SLC6A4: variants seen among roughly 807,000 people sequenced by gnomAD.
The protein encoded by SLC6A4 is sodium-dependent serotonin transporter.
In SLC6A4, 22 loss-of-function variants were observed where a neutral mutation model predicts 73.4. The observed-to-expected ratio is 0.30, with a 90% CI of 0.21 to 0.43. The LOEUF is 0.43. SLC6A4 is among the 20% of genes least tolerant of loss of function. The pLI is 1.00. For synonymous variants in SLC6A4, 270 were observed against 315.5 expected, an observed-to-expected ratio of 0.86 and a Z score of 1.53; for missense variants, 593 against 808.5, an observed-to-expected ratio of 0.73 and a Z score of 3.23.
intron 8 of SLC6A4, among the ~76,000 whole-genome samples, chr17:30,214,634 CTTT>C (rs753290326): frequency 3.8e-5 from 5 of 132,352 alleles, no homozygotes; most frequent in Non-Finnish European, 8.1e-5. Context: ...TTCTTTCTTT[CTTT>C]TTTTTTTTTT....
At chr17:30,229,705 G>A (rs951458129) in intron 1 of SLC6A4, among the ~76,000 whole-genome samples, 1 of 151,752 alleles carries the variant, frequency 6.6e-6, no homozygotes, top group African/African-American at 2.4e-5. Flanking sequence ...GAGCCACTGC[G>A]CCTGGTCCAA....
chr17:30,218,647 T>TA (rs1906655835), intron 4 of SLC6A4, 150 bp downstream of exon 4: 1 of 774,714 alleles, frequency 1.3e-6, no homozygotes. Context: ...TCACACCACT[T>TA]ACGCAGTCAA....
Position 30,207,758 on chromosome 17 carries a change from C to T in SLC6A4, c.1624G>A (p.Val542Met), listed in dbSNP as rs765500675. 5.0e-6 allele frequency: 8 copies of T among 1,613,166 alleles called. No individual in the cohort carries two copies. The highest frequency in any genetic ancestry group is 4.2e-6 in the Non-Finnish European group (5 of 1,179,148). ...SPGWFWRICWVAISPLFLLFI... is the reference protein window; with the variant it reads ...SPGWFWRICWMAISPLFLLFI... ...AGGAGAAACAGAGGGCTGATGGCCA[C>T]CCAGCAGATCCTCCAGAACCACCCC... Residue 542 changes from valine (V) to methionine (M), a missense_variant, in exon 13 of 15, where the codon GTG becomes ATG. Coordinates refer to ENST00000650711, the MANE Select transcript of SLC6A4 (RefSeq NM_001045.6).
chr17:30,231,613 A>T (rs1489237766), intron 1 of SLC6A4, among the ~76,000 whole-genome samples: 1 of 152,198 alleles, frequency 6.6e-6, no homozygotes, highest in African/African-American at 2.4e-5. Context: ...ATGCATAATT[A>T]GAGTGACTTT....
Position 30,222,886 on chromosome 17 carries a change from G to A in SLC6A4, c.-191C>T. On this transcript the variant is annotated 5_prime_UTR_variant, in exon 2 of 15. Transcript: ENST00000650711. ...GCCCCTTGTTATTCTGCAAGAGAGG[G>A]CAAGCAAGGTCGCCTTGCCTCCAGG... The A allele has an allele frequency of 7.8e-7, 1 of 1,283,330 alleles. No individual in the cohort carries two copies. The highest frequency in any genetic ancestry group is 1.2e-5 in the South Asian group (1 of 80,660). The allele number at this position is 1,283,330 out of a possible 1,614,324, so 79.5% of individuals were successfully genotyped here. A position where few individuals can be genotyped will look rare whatever the true frequency, so the allele number is the denominator to read the frequency against.
At chr17:30,224,479 A>T (rs569862970) in intron 1 of SLC6A4, among the ~76,000 whole-genome samples, 51 of 152,290 alleles carry the variant, frequency 3.3e-4, no homozygotes, top group African/African-American at 1.0e-3. Flanking sequence ...TGGCCTCCCA[A>T]AGAGCTGAGA....
At chr17:30,212,022 T>C (rs1203564574) in intron 9 of SLC6A4, among the ~76,000 whole-genome samples, 1 of 152,158 alleles carries the variant, frequency 6.6e-6, no homozygotes, top group Non-Finnish European at 1.5e-5. Context: ...CATGCTAACA[T>C]GCTTGTAACA....
At chr17:30,213,137 A>G (rs887011792) in intron 8 of SLC6A4, among the ~76,000 whole-genome samples, 3 of 152,176 alleles carry the variant, frequency 2.0e-5, no homozygotes, top group African/African-American at 7.2e-5. Flanking sequence ...TCCTGCTAGC[A>G]CAGACCTCTC....
rs1350774844 is a variant in SLC6A4 at position 30,231,455 on chromosome 17, CTG to C, written c.-221+4156_-221+4157del. Among the ~76,000 whole-genome samples, 4 of 150,762 alleles carry C rather than the reference CTG, an allele frequency of 2.7e-5. No homozygotes were observed. The East Asian group carries it at 5.8e-4, about 22-fold the overall frequency. On this transcript the variant is annotated intron_variant, in intron 1 of 14. Transcript: ENST00000650711. ...TATGTATATATATATCTGTATGTAT[CTG>C]TATGTACATATGTGTATATATAGTG...
intron 10 of SLC6A4, among the ~76,000 whole-genome samples, 153 bp from the exon 11 acceptor site, chr17:30,210,799 A>G (rs1394808263): frequency 2.0e-5 from 3 of 152,166 alleles, no homozygotes; most frequent in African/African-American, 4.8e-5. Flanking sequence ...TAAGCATCTC[A>G]AAGAGTATTT....
chr17:30,215,531 G>A (rs934252979), intron 8 of SLC6A4, 80 bp downstream of exon 8: 76 of 1,165,798 alleles, frequency 6.5e-5, no homozygotes, highest in Non-Finnish European at 9.2e-5. Context: ...CGAGGCCGTC[G>A]GTCCAATCAC....
In SLC6A4 at chr17:30,207,926, G is replaced by C. The variant is rs1906258739; in HGVS notation, c.1550-94C>G. On this transcript the variant is annotated intron_variant, in intron 12 of 14. Transcript: ENST00000650711. Reference sequence around the variant, plus strand: ...TTCTCTGGGAGAGTCAGAGTCACAGGATCAGCACTGGGAATGACAAGGGGA... The same window carrying C: ...TTCTCTGGGAGAGTCAGAGTCACAGCATCAGCACTGGGAATGACAAGGGGA... The C allele has an allele frequency of 1.7e-5, 15 of 862,064 alleles. No individual in the cohort carries two copies. The South Asian group carries it at 2.3e-4, about 13-fold the overall frequency. 53.4% of individuals were successfully genotyped at this position (862,064 alleles called of 1,614,324 possible).
intron 4 of SLC6A4, 124 bp from the exon 5 acceptor site, chr17:30,218,461 C>T (rs2143015146): frequency 1.4e-6 from 1 of 727,260 alleles, no homozygotes; most frequent in Non-Finnish European, 2.3e-6. Flanking sequence ...GTGCTGCCCT[C>T]CATTCCATTC....
chr17:30,199,486 A>G (rs1905963433), intron 14 of SLC6A4, among the ~76,000 whole-genome samples: 1 of 152,118 alleles, frequency 6.6e-6, no homozygotes, highest in Non-Finnish European at 1.5e-5. Context: ...TGTCATTTTT[A>G]TTTTGGACTG....
At chr17:30,202,867 TG>T (rs1906078735) in intron 14 of SLC6A4, among the ~76,000 whole-genome samples, 1 of 152,146 alleles carries the variant, frequency 6.6e-6, no homozygotes, top group Non-Finnish European at 1.5e-5. Flanking sequence ...CCATGCCCAG[TG>T]GCAAGCAGGA....
At position 30,194,883 on chromosome 17, in the gene SLC6A4, C is replaced by T. The variant is rs1905805749; in HGVS notation, c.*3573G>A. ...CCAAACGACAAAATTCTTCTTAGTT[C>T]AGTAGACATTCAAACTTATTCTGAC... On this transcript the variant is annotated 3_prime_UTR_variant, in exon 15 of 15. Coordinates refer to ENST00000650711, the MANE Select transcript of SLC6A4 (RefSeq NM_001045.6). 6.6e-6 allele frequency: 1 copy of T among 152,158 alleles called. No individual in the cohort carries two copies. The highest frequency in any genetic ancestry group is 2.4e-5 in the African/African-American group (1 of 41,420). 9.4% of individuals were successfully genotyped at this position (152,158 alleles called of 1,614,324 possible).
At chr17:30,199,155 T>C (rs915235533) in intron 14 of SLC6A4, among the ~76,000 whole-genome samples, 2 of 152,188 alleles carry the variant, frequency 1.3e-5, no homozygotes, top group Admixed American at 1.3e-4. Flanking sequence ...GTAGTACTCA[T>C]CACAGAGAAG....
intron 3 of SLC6A4, among the ~76,000 whole-genome samples, chr17:30,220,629 C>A (rs1317745632): frequency 6.6e-6 from 1 of 152,164 alleles, no homozygotes; most frequent in Non-Finnish European, 1.5e-5. Context: ...ACGCTGATGC[C>A]CTTCTCTGAC....
In SLC6A4 at chr17:30,209,323, C is replaced by T. The variant is rs889057899; in HGVS notation, c.1450-81G>A. 2.4e-5 allele frequency: 20 copies of T among 846,008 alleles called. No homozygotes were observed. The Middle Eastern group carries it at 1.0e-3, about 44-fold the overall frequency. The allele number at this position is 846,008 out of a possible 1,614,324, so 52.4% of individuals were successfully genotyped here. A position where few individuals can be genotyped will look rare whatever the true frequency, so the allele number is the denominator to read the frequency against. ...CTACAGAGACCTGCAGGGGCTTCCT[C>T]ACTTAGAATCATTCTGGAAAAATCC... On this transcript the variant is annotated intron_variant, in intron 11 of 14. Coordinates refer to ENST00000650711, the MANE Select transcript of SLC6A4 (RefSeq NM_001045.6).
Sources: gnomAD v4.1 joint callset for allele counts (sites outside exome capture counted in the v4.1 genomes callset) on GRCh38, gnomAD v4.1.1 for gene constraint, MANE v1.5 for transcripts, NCBI Gene and HGNC (gene_info 2026-07-23, HGNC 2026-07-21) for gene names.